Variants in KLF12 observed in about 807,000 individuals in gnomAD.
The protein encoded by KLF12 is KLF transcription factor 12.
KLF12 carries 9 observed loss-of-function variants against 37.8 expected under a neutral mutation model. The observed-to-expected ratio is 0.24, with a 90% CI of 0.14 to 0.42. The LOEUF (loss-of-function observed/expected upper bound fraction) is 0.42. Ranked by LOEUF, KLF12 falls within the 10% of genes least tolerant of loss-of-function variation. The pLI, the probability that KLF12 is intolerant of heterozygous loss-of-function variation, is 1.00. For missense variants in KLF12, 411 were observed against 516.0 expected (o/e 0.80, Z 1.97); for synonymous variants, 208 against 202.1 (o/e 1.03, Z -0.25).
At chr13:73,888,971 C>T (rs1489904799) in intron 3 of KLF12, among the ~76,000 whole-genome samples, 1 of 152,212 alleles carries the variant, frequency 6.6e-6, no homozygotes, top group Non-Finnish European at 1.5e-5. Context: ...CTATAAATCT[C>T]CTACAGGATA....
chr13:73,735,212 G>A (rs546680109), intron 6 of KLF12, among the ~76,000 whole-genome samples: 17 of 151,092 alleles, frequency 1.1e-4, no homozygotes, highest in African/African-American at 3.4e-4. Context: ...CAGGAAGGTC[G>A]TTTGAGCCCA....
the KLF12 span, among the ~76,000 whole-genome samples, chr13:74,223,739 C>T: frequency 6.6e-6 from 1 of 152,144 alleles, no homozygotes; most frequent in Non-Finnish European, 1.5e-5. Flanking sequence ...AATTTTCCCC[C>T]TTTTCTTTCA....
At chr13:74,152,019 A>T in the KLF12 span, among the ~76,000 whole-genome samples, 2 of 152,216 alleles carry the variant, frequency 1.3e-5, no homozygotes, top group Non-Finnish European at 2.9e-5. Flanking sequence ...CACTGTGAGG[A>T]TGGTTCATTT....
chr13:73,715,192 C>A (rs1278025252), intron 7 of KLF12, among the ~76,000 whole-genome samples, 176 bp downstream of exon 7: 1 of 152,098 alleles, frequency 6.6e-6, no homozygotes, highest in Non-Finnish European at 1.5e-5. Flanking sequence ...AAATACTTCA[C>A]TGGTTTCTCA....
At position 74,046,223 on chromosome 13, in the gene KLF12, T is replaced by C. The variant is rs571050601; in HGVS notation, c.-31-51170A>G. Reference sequence around the variant, plus strand: ...TCGAAACAAAGATCCCATACCAACCTACGATATTAGCAACACGGGAAACTG... The same window carrying C: ...TCGAAACAAAGATCCCATACCAACCCACGATATTAGCAACACGGGAAACTG... On this transcript the variant is annotated intron_variant, in intron 1 of 7. Transcript: ENST00000377669. Among the ~76,000 whole-genome samples the C allele has an allele frequency of 1.8e-3, 273 of 152,296 alleles. 1 individual carries two copies. Among genetic ancestry groups the C allele is most frequent in the Admixed American group, 3.3e-3 (50 of 15,296 alleles).
intron 3 of KLF12, among the ~76,000 whole-genome samples, chr13:73,882,594 T>C (rs946591898): frequency 6.6e-6 from 1 of 152,204 alleles, no homozygotes; most frequent in African/African-American, 2.4e-5. Flanking sequence ...TTGATTTTTA[T>C]AGACTTTGGA....
intron 2 of KLF12, among the ~76,000 whole-genome samples, chr13:73,946,056 G>A (rs901242973): frequency 5.9e-5 from 9 of 152,062 alleles, no homozygotes; most frequent in Admixed American, 1.3e-4. Flanking sequence ...TCCTGCAGCC[G>A]GCCAGCCCTC....
At chr13:74,220,529 T>A in the KLF12 span, among the ~76,000 whole-genome samples, 4 of 152,258 alleles carry the variant, frequency 2.6e-5, no homozygotes, top group African/African-American at 9.6e-5. Context: ...TCATTTTTTG[T>A]GGCAAACACT....
Position 73,690,224 on chromosome 13 carries a change from G to T in KLF12, c.*5266C>A, listed in dbSNP as rs145035700. The T allele has an allele frequency of 7.4e-4, 113 of 152,606 alleles. No homozygotes were observed. The highest frequency in any genetic ancestry group is 2.6e-3 in the African/African-American group (110 of 41,542). The allele number at this position is 152,606 out of a possible 1,614,324, so 9.5% of individuals were successfully genotyped here. A position where few individuals can be genotyped will look rare whatever the true frequency, so the allele number is the denominator to read the frequency against. On this transcript the variant is annotated 3_prime_UTR_variant, in exon 8 of 8. Coordinates refer to ENST00000377669, the MANE Select transcript of KLF12 (RefSeq NM_007249.5). ...TATAGGAATATCTCATTGGTCATAAGGTTTACTGACAGGCACTTTCAGCAT... is the reference window on the plus strand; with the variant it reads ...TATAGGAATATCTCATTGGTCATAATGTTTACTGACAGGCACTTTCAGCAT...
chr13:73,755,465 G>C (rs1224177775), intron 6 of KLF12, among the ~76,000 whole-genome samples: 3 of 152,140 alleles, frequency 2.0e-5, no homozygotes, highest in Non-Finnish European at 4.4e-5. Flanking sequence ...GTTAGGTTTA[G>C]GAAAGGCTCG....
chr13:73,951,071 T>C (rs1210651614), intron 2 of KLF12, among the ~76,000 whole-genome samples: 1 of 152,208 alleles, frequency 6.6e-6, no homozygotes. Context: ...TCATAGACGA[T>C]CAAGAAGTAC....
the KLF12 span, among the ~76,000 whole-genome samples, chr13:74,160,067 G>C: frequency 6.6e-6 from 1 of 151,690 alleles, no homozygotes; most frequent in South Asian, 2.1e-4. Flanking sequence ...TGGTCTACCT[G>C]GTGGTTATCT....
At chr13:73,859,403 T>G (rs74893150) in intron 3 of KLF12, among the ~76,000 whole-genome samples, 2,006 of 152,280 alleles carry the variant, frequency 0.013, 42 homozygotes, top group African/African-American at 0.046. Context: ...TTCCTAAGAC[T>G]GAATCCACCT....
At chr13:73,747,125 C>T (rs1354762784) in intron 6 of KLF12, among the ~76,000 whole-genome samples, 2 of 152,144 alleles carry the variant, frequency 1.3e-5, no homozygotes, top group East Asian at 3.9e-4. Flanking sequence ...CATTTTCTTT[C>T]TTTCTTCCTT....
intron 3 of KLF12, among the ~76,000 whole-genome samples, chr13:73,892,539 C>T (rs1225106191): frequency 6.6e-6 from 1 of 152,010 alleles, no homozygotes; most frequent in East Asian, 1.9e-4. Context: ...ATGGCCAAAA[C>T]AAACAAACAA....
the KLF12 span, among the ~76,000 whole-genome samples, chr13:74,291,299 A>T: frequency 6.6e-6 from 1 of 152,248 alleles, no homozygotes; most frequent in Non-Finnish European, 1.5e-5. Flanking sequence ...TCAGTTGTGC[A>T]TGAGTTAGGA....
At chr13:73,728,362 G>A (rs895773661) in intron 6 of KLF12, among the ~76,000 whole-genome samples, 1 of 152,064 alleles carries the variant, frequency 6.6e-6, no homozygotes, top group Non-Finnish European at 1.5e-5. Flanking sequence ...TTTGGGAGGC[G>A]CCCTTTAGAT....
At chr13:73,806,649 C>CAAAAA (rs11482328) in intron 5 of KLF12, among the ~76,000 whole-genome samples, 2 of 108,312 alleles carry the variant, frequency 1.8e-5, no homozygotes, top group Non-Finnish European at 3.8e-5. Context: ...AAAAAACAAA[C>CAAAAA]AAAAAAAAAA....
Position 73,968,359 on chromosome 13 carries a change from G to A in KLF12, c.34-24289C>T, listed in dbSNP as rs183153517. Among the ~76,000 whole-genome samples the A allele has an allele frequency of 1.7e-3, 259 of 152,256 alleles. 3 individuals carry two copies. In the South Asian group the frequency reaches 0.017, roughly 10 times the overall value. On this transcript the variant is annotated intron_variant, in intron 2 of 7. Coordinates refer to ENST00000377669, the MANE Select transcript of KLF12 (RefSeq NM_007249.5). ...TTGTCTTCTCAGAGGCCTTACTTGT[G>A]TAATTTGTAGTCACTGGTGGGGTCT... is the stretch of plus-strand genomic sequence containing the variant.
Sources: allele counts gnomAD v4.1 joint callset (sites outside exome capture counted in the v4.1 genomes callset), GRCh38; gene constraint gnomAD v4.1.1; transcripts MANE v1.5; gene names NCBI Gene and HGNC (gene_info 2026-07-23, HGNC 2026-07-21).